Variants in ERGIC1 observed in about 807,000 individuals in gnomAD.
ERGIC1 encodes endoplasmic reticulum-Golgi intermediate compartment protein 1.
ERGIC1 carries 19 observed loss-of-function variants against 38.3 expected under a neutral mutation model. The ratio of observed to expected loss-of-function variants is 0.50; its 90% CI spans 0.35 to 0.73. ERGIC1 has a LOEUF of 0.73. ERGIC1 is among the 30% of genes least tolerant of loss of function. The pLI is 0.01. For synonymous variants in ERGIC1, 124 were observed against 157.6 expected, an observed-to-expected ratio of 0.79 and a Z score of 1.60; for missense variants, 294 against 389.2, an observed-to-expected ratio of 0.76 and a Z score of 2.06.
chr5:172,855,102 C>T (rs1161583605), intron 1 of ERGIC1, among the ~76,000 whole-genome samples: 3 of 152,196 alleles, frequency 2.0e-5, no homozygotes, highest in African/African-American at 2.4e-5. Flanking sequence ...GTTCCCCCAA[C>T]GGACAGTGGT....
intron 1 of ERGIC1, among the ~76,000 whole-genome samples, chr5:172,871,091 A>G (rs1229460384): frequency 1.3e-5 from 2 of 152,262 alleles, no homozygotes; most frequent in African/African-American, 2.4e-5. Flanking sequence ...CAGTCCACGC[A>G]TGCTCAGTGA....
intron 1 of ERGIC1, among the ~76,000 whole-genome samples, chr5:172,852,103 C>A (rs1761424535): frequency 2.6e-5 from 4 of 152,060 alleles, no homozygotes; most frequent in Admixed American, 2.6e-4. Flanking sequence ...GCATCAGGTG[C>A]ATTGCCAGGG....
intron 1 of ERGIC1, among the ~76,000 whole-genome samples, chr5:172,840,449 T>G (rs898592589): frequency 6.6e-5 from 10 of 152,186 alleles, no homozygotes; most frequent in African/African-American, 2.4e-4. Flanking sequence ...TACATCTAAA[T>G]CAGTGAGCCT....
At position 172,877,917 on chromosome 5, in the gene ERGIC1, C is replaced by T. The variant is rs541207839; in HGVS notation, c.21-10782C>T. Reference sequence around the variant, plus strand: ...AGCCCAGCAAGAGTGGAAGACCCTGCAGCCAGCCTGGGGCTGGGCCGGGTA... The same window carrying T: ...AGCCCAGCAAGAGTGGAAGACCCTGTAGCCAGCCTGGGGCTGGGCCGGGTA... On this transcript the variant is annotated intron_variant, in intron 1 of 9. Transcript: ENST00000393784. 3.3e-5 allele frequency among the ~76,000 whole-genome samples: 5 copies of T among 152,334 alleles called. No homozygotes were observed. The East Asian group carries it at 9.6e-4, about 29-fold the overall frequency.
chr5:172,944,648 C>T (rs745945730), intron 9 of ERGIC1, among the ~76,000 whole-genome samples: 7 of 152,228 alleles, frequency 4.6e-5, no homozygotes, highest in Non-Finnish European at 8.8e-5. Context: ...CGTGAGCCGC[C>T]GCACCCGGCC....
intron 2 of ERGIC1, among the ~76,000 whole-genome samples, chr5:172,894,184 T>G (rs1581549831): frequency 2.0e-5 from 2 of 101,276 alleles, no homozygotes; most frequent in South Asian, 3.5e-4. Flanking sequence ...GCTTCCCCGG[T>G]ACAACTTTTT....
At chr5:172,871,218 A>G (rs1012194651) in intron 1 of ERGIC1, among the ~76,000 whole-genome samples, 2 of 152,172 alleles carry the variant, frequency 1.3e-5, no homozygotes, top group African/African-American at 4.8e-5. Flanking sequence ...AGAGAAAGGG[A>G]TGCGTGAGCT....
chr5:172,906,956 G>C (rs1763043339), intron 3 of ERGIC1, among the ~76,000 whole-genome samples: 1 of 152,166 alleles, frequency 6.6e-6, no homozygotes, highest in Non-Finnish European at 1.5e-5. Flanking sequence ...CCTCCTGCTG[G>C]TCCTGTTCCT....
intron 2 of ERGIC1, among the ~76,000 whole-genome samples, chr5:172,893,935 G>GTGTGTGTGTGTGTGTGTGTATATATATA (rs1429850022): frequency 1.4e-4 from 6 of 42,820 alleles, no homozygotes; most frequent in Non-Finnish European, 2.3e-4. Flanking sequence ...GTGTGTGTGT[G>GTGTGTGTGTGTGTGTGTGTATATATATA]TATATATATA....
chr5:172,839,580 T>C (rs952053150), intron 1 of ERGIC1, among the ~76,000 whole-genome samples: 9 of 149,810 alleles, frequency 6.0e-5, no homozygotes, highest in Non-Finnish European at 1.2e-4. Context: ...CACACACACA[T>C]ACACACACAC....
intron 7 of ERGIC1, chr5:172,931,315 C>T (rs1215438797): frequency 6.6e-6 from 1 of 152,248 alleles, no homozygotes; most frequent in Non-Finnish European, 1.5e-5. Flanking sequence ...TTACCTCACG[C>T]TTATCAGCAG....
intron 1 of ERGIC1, among the ~76,000 whole-genome samples, chr5:172,854,033 G>A (rs1761477032): frequency 6.6e-6 from 1 of 152,212 alleles, no homozygotes; most frequent in African/African-American, 2.4e-5. Flanking sequence ...CTCCTTCGAA[G>A]TGGGAGTTTC....
intron 1 of ERGIC1, among the ~76,000 whole-genome samples, chr5:172,844,400 A>G (rs1761235789): frequency 2.0e-5 from 3 of 152,232 alleles, no homozygotes; most frequent in African/African-American, 7.2e-5. Flanking sequence ...TTGCGTGAAA[A>G]TGGTTGGCCA....
intron 3 of ERGIC1, among the ~76,000 whole-genome samples, chr5:172,908,318 G>GGGA (rs1561729632): frequency 1.4e-4 from 1 of 7,334 alleles, no homozygotes; most frequent in Non-Finnish European, 2.1e-4. Flanking sequence ...GGGGGGGGGG[G>GGGA]AGAGAGGGGA....
chr5:172,904,570 C>T (rs994684855), intron 3 of ERGIC1, among the ~76,000 whole-genome samples: 1 of 152,224 alleles, frequency 6.6e-6, no homozygotes, highest in African/African-American at 2.4e-5. Flanking sequence ...CCATGGAAGT[C>T]CTCAAACCAC....
At chr5:172,914,925 A>G in intron 5 of ERGIC1, 87 bp downstream of exon 5, 3 of 1,577,814 alleles carry the variant, frequency 1.9e-6, no homozygotes, top group Non-Finnish European at 2.6e-6. Flanking sequence ...GGAGGCACTC[A>G]CTCGACCTGA....
intron 1 of ERGIC1, among the ~76,000 whole-genome samples, chr5:172,872,040 A>G (rs917640436): frequency 2.6e-5 from 4 of 152,100 alleles, no homozygotes; most frequent in African/African-American, 7.2e-5. Context: ...GTGCACAGCT[A>G]GCTGCCTGCC....
At position 172,834,899 on chromosome 5, in the gene ERGIC1, A is replaced by C. The variant is rs543528930; in HGVS notation, c.20+466A>C. Among the ~76,000 whole-genome samples, 1 of 152,048 alleles carries C rather than the reference A, an allele frequency of 6.6e-6. No individual in the cohort carries two copies. The highest frequency in any genetic ancestry group is 2.4e-5 in the African/African-American group (1 of 41,474). On this transcript the variant is annotated intron_variant, in intron 1 of 9. Transcript: ENST00000393784. The surrounding 1 kb of genome is among the most constrained non-coding windows in gnomAD (Gnocchi z 4.1). ...AGCCTGCCGGCAGCTGGAGGGTTTT[A>C]AGTTTCTATAGCCTGAGGCTCCCCC...
chr5:172,908,307 G>GGGGGT, intron 3 of ERGIC1, among the ~76,000 whole-genome samples: 1 of 2,304 alleles, frequency 4.3e-4, no homozygotes, highest in Non-Finnish European at 3.8e-3. Flanking sequence ...AGGCGGGGGC[G>GGGGGT]GGGGGGGGGG....
Sources: gnomAD v4.1 joint callset for allele counts (sites outside exome capture counted in the v4.1 genomes callset) on GRCh38, gnomAD v4.1.1 for gene constraint, Gnocchi (gnomAD v3.1) non-coding constraint, MANE v1.5 for transcripts, NCBI Gene and HGNC (gene_info 2026-07-23, HGNC 2026-07-21) for gene names.